Variants in TGFB2 observed in about 807,000 individuals in gnomAD.
TGFB2 encodes transforming growth factor beta-2 proprotein.
TGFB2 carries 13 observed loss-of-function variants against 42.7 expected under a neutral mutation model. That is an observed-to-expected ratio of 0.30 (90% CI 0.20 to 0.48). The LOEUF is 0.48. Ranked by LOEUF, TGFB2 falls within the 20% of genes least tolerant of loss-of-function variation. The pLI is 0.99. For synonymous variants in TGFB2, 193 were observed against 193.6 expected, an observed-to-expected ratio of 1.00 and a Z score of 0.03; for missense variants, 390 against 517.5, an observed-to-expected ratio of 0.75 and a Z score of 2.39.
At chr1:218,409,859 T>C (rs1659039686) in intron 2 of TGFB2, among the ~76,000 whole-genome samples, 1 of 152,142 alleles carries the variant, frequency 6.6e-6, no homozygotes, top group African/African-American at 2.4e-5. Context: ...TTTACATGGT[T>C]GTTTGGATTA....
chr1:218,404,139 A>G (rs147105194), intron 1 of TGFB2, among the ~76,000 whole-genome samples: 1 of 151,494 alleles, frequency 6.6e-6, no homozygotes, highest in Non-Finnish European at 1.5e-5. Flanking sequence ...TTGAGATGGA[A>G]CCTCACCCTA....
intron 1 of TGFB2, 93 bp from the exon 2 acceptor site, chr1:218,405,076 C>T (rs757766664): frequency 2.0e-5 from 28 of 1,366,214 alleles, no homozygotes; most frequent in African/African-American, 2.9e-5. Flanking sequence ...TAGATATTTC[C>T]CTTATGGTTT....
At chr1:218,396,891 A>AT (rs1391125899) in intron 1 of TGFB2, among the ~76,000 whole-genome samples, 1 of 152,088 alleles carries the variant, frequency 6.6e-6, no homozygotes, top group African/African-American at 2.4e-5. Flanking sequence ...GAGGAATCCT[A>AT]TTTTTCCAGT....
At chr1:218,387,689 A>G (rs1167686511) in intron 1 of TGFB2, among the ~76,000 whole-genome samples, 1 of 152,100 alleles carries the variant, frequency 6.6e-6, no homozygotes, top group Non-Finnish European at 1.5e-5. Flanking sequence ...CCCCTCCCAT[A>G]TTGCACATCT....
intron 2 of TGFB2, among the ~76,000 whole-genome samples, chr1:218,421,977 C>A (rs951720455): frequency 1.3e-5 from 2 of 152,144 alleles, no homozygotes; most frequent in Admixed American, 1.3e-4. Flanking sequence ...ATGGCCCAGC[C>A]AACACCGTGA....
chr1:218,439,856 T>C (rs1279752567), intron 6 of TGFB2, among the ~76,000 whole-genome samples: 2 of 152,206 alleles, frequency 1.3e-5, no homozygotes, highest in Non-Finnish European at 2.9e-5. Context: ...GTCACAAATA[T>C]GTGGTTTGGA....
chr1:218,411,266 T>C (rs1659087483), intron 2 of TGFB2, among the ~76,000 whole-genome samples: 1 of 152,232 alleles, frequency 6.6e-6, no homozygotes, highest in Admixed American at 6.5e-5. Context: ...CATTTTGTTA[T>C]ACTTCACAAG....
chr1:218,369,872 A>C (rs536453781), intron 1 of TGFB2, among the ~76,000 whole-genome samples: 2 of 152,330 alleles, frequency 1.3e-5, no homozygotes, highest in East Asian at 3.9e-4. Flanking sequence ...TAAGCCAGAG[A>C]ATTTGTAAAA....
intron 2 of TGFB2, among the ~76,000 whole-genome samples, chr1:218,432,709 C>A (rs1001206337): frequency 6.6e-6 from 1 of 152,052 alleles, no homozygotes; most frequent in Non-Finnish European, 1.5e-5. Flanking sequence ...TGGTTTGAAA[C>A]GATATCAAAT....
intron 2 of TGFB2, among the ~76,000 whole-genome samples, chr1:218,416,217 T>C (rs1048134262): frequency 2.0e-5 from 3 of 152,136 alleles, no homozygotes; most frequent in African/African-American, 7.2e-5. Context: ...TCCTGTCTTG[T>C]TACTACCTCT....
At position 218,436,047 on chromosome 1, in the gene TGFB2, A is replaced by G. The variant is rs760758897; in HGVS notation, c.832A>G (p.Thr278Ala). The part of the protein sequence containing the change: ...KSTRKKNSGK[T>A]PHLLLMLLPS... The stretch of plus-strand genomic sequence containing the variant: ...CACTAGGAAAAAAAACAGTGGGAAG[A>G]CCCCACATCTCCTGCTAATGTTATT... Residue 278 changes from threonine to alanine, a missense_variant, in exon 5 of 7, where the codon ACC becomes GCC. Transcript: ENST00000366930. The G allele has an allele frequency of 6.2e-7, 1 of 1,614,022 alleles. No individual in the cohort carries two copies. The highest frequency in any genetic ancestry group is 1.1e-5 in the South Asian group (1 of 91,070).
intron 1 of TGFB2, among the ~76,000 whole-genome samples, chr1:218,391,128 G>A (rs181293445): frequency 7.9e-5 from 12 of 152,300 alleles, no homozygotes; most frequent in Non-Finnish European, 1.2e-4. Context: ...ATTTTGAAAC[G>A]AATTCCTCAG....
chr1:218,354,584 G>T (rs1024568427), intron 1 of TGFB2, among the ~76,000 whole-genome samples: 1 of 152,178 alleles, frequency 6.6e-6, no homozygotes, highest in Non-Finnish European at 1.5e-5. Flanking sequence ...TTTGACAGCT[G>T]AGGAAATGGA....
At chr1:218,347,928 GC>G (rs1195484251) in intron 1 of TGFB2, among the ~76,000 whole-genome samples, 1 of 147,888 alleles carries the variant, frequency 6.8e-6, no homozygotes, top group African/African-American at 2.5e-5. Flanking sequence ...GTAGACGACA[GC>G]CGTATTTTTT....
intron 1 of TGFB2, among the ~76,000 whole-genome samples, chr1:218,373,002 C>T (rs1657619213): frequency 6.6e-6 from 1 of 152,086 alleles, no homozygotes; most frequent in African/African-American, 2.4e-5. Flanking sequence ...CATGGACAAA[C>T]CCCATCTCTA....
chr1:218,401,841 G>A (rs1658733400), intron 1 of TGFB2, among the ~76,000 whole-genome samples: 1 of 152,214 alleles, frequency 6.6e-6, no homozygotes, highest in Admixed American at 6.5e-5. Flanking sequence ...TCCCGACTGG[G>A]CATCAAGGGG....
rs181284006 is a variant in TGFB2, at chr1:218,365,591, C to T, written c.346+18544C>T. Among the ~76,000 whole-genome samples, 7 of 151,706 alleles carry T rather than the reference C, an allele frequency of 4.6e-5. No individual in the cohort carries two copies. In the East Asian group the frequency reaches 9.7e-4, roughly 21 times the overall value. Reference sequence around the variant, plus strand: ...GGAGGCTCTTCCACCTTGCCTAGCTCGCAGGCTCTGGAAAAACCCTGCAGA... The same window carrying T: ...GGAGGCTCTTCCACCTTGCCTAGCTTGCAGGCTCTGGAAAAACCCTGCAGA... On this transcript the variant is annotated intron_variant, in intron 1 of 6. Transcript: ENST00000366930.
At chr1:218,383,427 C>T (rs1658028289) in intron 1 of TGFB2, among the ~76,000 whole-genome samples, 3 of 151,998 alleles carry the variant, frequency 2.0e-5, no homozygotes, top group Admixed American at 2.0e-4. Flanking sequence ...TAGAAAAACA[C>T]AAGACCATTT....
chr1:218,379,487 CT>C (rs59224313), intron 1 of TGFB2, among the ~76,000 whole-genome samples: 1,902 of 133,390 alleles, frequency 0.014, 50 homozygotes, highest in African/African-American at 0.046. Flanking sequence ...TTCTTTCTTT[CT>C]TTTTTTTTTT....
Sources: allele counts gnomAD v4.1 joint callset (sites outside exome capture counted in the v4.1 genomes callset), GRCh38; gene constraint gnomAD v4.1.1; transcripts MANE v1.5; gene names NCBI Gene and HGNC (gene_info 2026-07-23, HGNC 2026-07-21).